FILIP1L: variants seen among roughly 807,000 people sequenced by gnomAD.
FILIP1L encodes filamin A-interacting protein 1-like.
In FILIP1L, 55 loss-of-function variants were observed where a neutral mutation model predicts 96.6. The observed-to-expected ratio is 0.57, with a 90% CI of 0.46 to 0.71. FILIP1L has a LOEUF of 0.71. Among genes scored for constraint, FILIP1L ranks in the 30% least tolerant of loss-of-function variants. The pLI is 0.00. For missense variants in FILIP1L, 1,304 were observed against 1,321.2 expected (o/e 0.99, Z 0.20); for synonymous variants, 467 against 473.9 (o/e 0.99, Z 0.19).
chr3:100,099,423 A>G (rs2066266151), intron 1 of FILIP1L, among the ~76,000 whole-genome samples: 2 of 152,228 alleles, frequency 1.3e-5, no homozygotes, highest in South Asian at 4.1e-4. Flanking sequence ...AGAAACAAGT[A>G]TACAAGGGTA....
intron 4 of FILIP1L, among the ~76,000 whole-genome samples, 171 bp from the exon 5 acceptor site, chr3:99,851,241 G>A (rs553006706): frequency 1.3e-5 from 2 of 152,274 alleles, no homozygotes; most frequent in East Asian, 1.9e-4. Flanking sequence ...TCTTGATAAA[G>A]TTATCTTGCT....
intron 1 of FILIP1L, among the ~76,000 whole-genome samples, chr3:100,045,925 G>A (rs1298277522): frequency 6.6e-6 from 1 of 152,132 alleles, no homozygotes; most frequent in Non-Finnish European, 1.5e-5. Flanking sequence ...CTGGGGAAGG[G>A]GGAGGAGGCG....
chr3:99,839,132 A>T (rs1358446181), intron 5 of FILIP1L, among the ~76,000 whole-genome samples: 1 of 151,958 alleles, frequency 6.6e-6, no homozygotes, highest in East Asian at 1.9e-4. Context: ...CCCCTGCTCA[A>T]TTCTCATCTG....
chr3:99,881,665 TG>T, intron 4 of FILIP1L, among the ~76,000 whole-genome samples: 1 of 152,128 alleles, frequency 6.6e-6, no homozygotes, highest in Non-Finnish European at 1.5e-5. Context: ...CCCTAGTAGC[TG>T]GGATTATACA....
chr3:100,037,959 G>C (rs1211885747), intron 1 of FILIP1L, among the ~76,000 whole-genome samples: 4 of 92,422 alleles, frequency 4.3e-5, no homozygotes, highest in African/African-American at 8.0e-5. Context: ...TTTTTTTTGG[G>C]GGGGGAGGGA....
intron 1 of FILIP1L, chr3:100,025,391 T>G (rs181794753): frequency 6.6e-6 from 1 of 152,328 alleles, no homozygotes; most frequent in East Asian, 1.9e-4. Flanking sequence ...GAAGATTTTT[T>G]TTAAATCACT....
chr3:99,869,993 T>C (rs943919714), intron 4 of FILIP1L, among the ~76,000 whole-genome samples: 2 of 152,152 alleles, frequency 1.3e-5, no homozygotes, highest in Admixed American at 1.3e-4. Context: ...TCCATTTACA[T>C]GTGGACTCTT....
Position 99,874,640 on chromosome 3 carries a change from A to G in FILIP1L, c.606-23570T>C, listed in dbSNP as rs77077254. 2.5e-4 allele frequency among the ~76,000 whole-genome samples: 38 copies of G among 152,304 alleles called. No homozygotes were observed. The East Asian group carries it at 7.3e-3, about 29-fold the overall frequency. On this transcript the variant is annotated intron_variant, in intron 4 of 5. Transcript: ENST00000477258. ...GCTCCAAACAAAATTAGCAAAAACA[A>G]AAAAACTGCTATGAGGCAAAAATGA...
chr3:100,093,777 A>G (rs1226232333), intron 1 of FILIP1L, among the ~76,000 whole-genome samples: 1 of 152,252 alleles, frequency 6.6e-6, no homozygotes, highest in East Asian at 1.9e-4. Context: ...CTTCAAAAAC[A>G]GTATATAAAT....
chr3:100,056,007 A>T (rs2065458228), intron 1 of FILIP1L, among the ~76,000 whole-genome samples: 1 of 152,218 alleles, frequency 6.6e-6, no homozygotes, highest in African/African-American at 2.4e-5. Context: ...AGGATAGCCT[A>T]GTTGATCTGG....
chr3:99,938,874 T>C (rs919763745), intron 1 of FILIP1L, among the ~76,000 whole-genome samples: 4 of 152,198 alleles, frequency 2.6e-5, no homozygotes, highest in African/African-American at 9.7e-5. Flanking sequence ...TCACCCACAT[T>C]TGAAGACACT....
intron 5 of FILIP1L, among the ~76,000 whole-genome samples, chr3:99,836,786 G>A (rs1442458032): frequency 6.6e-6 from 1 of 152,182 alleles, no homozygotes. Context: ...GCTTGCTAGG[G>A]GAAAGGAAAT....
intron 1 of FILIP1L, chr3:100,023,626 T>A (rs553949679): frequency 2.8e-4 from 42 of 152,602 alleles, no homozygotes; most frequent in African/African-American, 1.0e-3. Context: ...TTTGCTCTAA[T>A]AATGTAGATC....
chr3:100,014,202 A>G (rs1239232074), intron 1 of FILIP1L, among the ~76,000 whole-genome samples: 2 of 150,932 alleles, frequency 1.3e-5, no homozygotes, highest in Non-Finnish European at 1.5e-5. Flanking sequence ...ATGTATATAT[A>G]TATTATATAT....
At position 99,851,085 on chromosome 3, in the gene FILIP1L, G is replaced by C; in HGVS notation, c.606-15C>G. The C allele has an allele frequency of 6.5e-7, 1 of 1,549,304 alleles. No individual in the cohort carries two copies. Among genetic ancestry groups the C allele is most frequent in the Non-Finnish European group, 8.7e-7 (1 of 1,155,872 alleles). Reference sequence around the variant, plus strand: ...GCTTCTTTAATCTGAAAAATGTAAAGTGCATTTTATTTTGTGATTGATGCT... The same window carrying C: ...GCTTCTTTAATCTGAAAAATGTAAACTGCATTTTATTTTGTGATTGATGCT... On this transcript the variant is annotated splice_polypyrimidine_tract_variant and intron_variant, in intron 4 of 5. Transcript: ENST00000477258.
intron 1 of FILIP1L, among the ~76,000 whole-genome samples, chr3:100,107,488 G>A (rs73859924): frequency 0.015 from 2,240 of 152,182 alleles, 56 homozygotes; most frequent in African/African-American, 0.052. Context: ...CTTTCCTTCC[G>A]CACATTTGGC....
rs1157486737 is a variant in FILIP1L at position 99,849,525 on chromosome 3, TC to T, written c.2150del (p.Arg717LysfsTer6). On this transcript the variant is annotated frameshift_variant, in exon 5 of 6. Transcript: ENST00000477258. LOFTEE classifies it high-confidence loss of function. ...EEEAKSGHLS[R>X]EVDALKEKIH... ...TTTTCTCTTTTAATGCATCCACTTC[TC>T]TTGAGAGGTGCCCTGACTTAGCTTC... The T allele has an allele frequency of 6.2e-7, 1 of 1,613,334 alleles. No homozygotes were observed. The highest frequency in any genetic ancestry group is 8.5e-7 in the Non-Finnish European group (1 of 1,179,886).
chr3:99,875,008 T>C (rs913081747), intron 4 of FILIP1L, among the ~76,000 whole-genome samples: 2 of 152,210 alleles, frequency 1.3e-5, no homozygotes, highest in Non-Finnish European at 2.9e-5. Flanking sequence ...TATATACTTA[T>C]AAAACATAGA....
intron 1 of FILIP1L, among the ~76,000 whole-genome samples, chr3:100,028,508 G>A (rs897799799): frequency 7.9e-5 from 12 of 152,032 alleles, no homozygotes; most frequent in East Asian, 1.9e-4. Flanking sequence ...TTTAATTCAC[G>A]TTGGAGAATA....
Sources: allele counts gnomAD v4.1 joint callset (sites outside exome capture counted in the v4.1 genomes callset), GRCh38; gene constraint gnomAD v4.1.1; transcripts MANE v1.5; gene names NCBI Gene and HGNC (gene_info 2026-07-23, HGNC 2026-07-21).